The following BIRC2 variants were observed in gnomAD, a reference collection of about 807,000 sequenced individuals.
BIRC2 encodes baculoviral IAP repeat-containing protein 2.
Under a neutral mutation model 60.9 loss-of-function variants are expected in BIRC2, and 18 were observed. The ratio of observed to expected loss-of-function variants is 0.30; its 90% CI spans 0.20 to 0.44. The LOEUF is 0.44. Ranked by LOEUF, BIRC2 falls within the 20% of genes least tolerant of loss-of-function variation. The pLI, the probability that BIRC2 is intolerant of heterozygous loss-of-function variation, is 1.00. For synonymous variants in BIRC2, 282 were observed against 247.7 expected (o/e 1.14, Z -1.30); for missense variants, 701 against 728.5 (o/e 0.96, Z 0.43).
chr11:102,372,186 T>C (rs1264544658), intron 6 of BIRC2, among the ~76,000 whole-genome samples: 1 of 152,252 alleles, frequency 6.6e-6, no homozygotes, highest in African/African-American at 2.4e-5. Flanking sequence ...TGCTCTGATC[T>C]TAGTTATTTC....
rs1290149175 is a variant in BIRC2, at chr11:102,350,115, C to T, written c.261C>T (p.Gly87=). ...VNDKVKCFCC[G]LMLDNWKLGD... is the part of the protein sequence containing the mutation. Reference sequence around the variant, plus strand: ...ACAAGGTCAAATGCTTCTGTTGTGGCCTGATGCTGGATAACTGGAAACTAG... The same window carrying T: ...ACAAGGTCAAATGCTTCTGTTGTGGTCTGATGCTGGATAACTGGAAACTAG... The change falls in exon 2 of 9, where the codon GGC becomes GGT. Residue 87 remains glycine, a synonymous_variant. Transcript: ENST00000227758. 2.5e-6 allele frequency: 4 copies of T among 1,614,032 alleles called. No individual in the cohort carries two copies. The highest frequency in any genetic ancestry group is 1.6e-4 in the Middle Eastern group (1 of 6,084).
Position 102,348,805 on chromosome 11 carries a change from C to A in BIRC2, c.-1050C>A. 3.6e-6 allele frequency: 1 copy of A among 277,824 alleles called. No individual in the cohort carries two copies. The highest frequency in any genetic ancestry group is 3.2e-5 in the South Asian group (1 of 31,230). 17.2% of individuals were successfully genotyped at this position (277,824 alleles called of 1,614,324 possible). A position where few individuals can be genotyped will look rare whatever the true frequency, so the allele number is the denominator to read the frequency against. Reference sequence around the variant, plus strand: ...TACTGATACTTTATGCTAAGCAGTACTTTTTTGGTAGTACAATATTTTGTT... The same window carrying A: ...TACTGATACTTTATGCTAAGCAGTAATTTTTTGGTAGTACAATATTTTGTT... On this transcript the variant is annotated 5_prime_UTR_variant, in exon 2 of 9. Coordinates refer to ENST00000227758, the MANE Select transcript of BIRC2 (RefSeq NM_001166.5).
At chr11:102,350,783 T>C in intron 2 of BIRC2, 34 bp downstream of exon 2, 2 of 1,601,126 alleles carry the variant, frequency 1.2e-6, no homozygotes, top group Non-Finnish European at 1.7e-6. Context: ...TTTATCATTT[T>C]ATTTTAATTT....
At chr11:102,376,882 A>G (rs1951721027) in intron 6 of BIRC2, among the ~76,000 whole-genome samples, 1 of 152,174 alleles carries the variant, frequency 6.6e-6, no homozygotes, top group Admixed American at 6.5e-5. Flanking sequence ...AAGGATGAGG[A>G]CACATAGCTA....
intron 6 of BIRC2, among the ~76,000 whole-genome samples, chr11:102,373,174 G>C (rs1205420058): frequency 1.4e-4 from 22 of 151,848 alleles, no homozygotes; most frequent in Admixed American, 1.4e-3. Flanking sequence ...TACATTTAAA[G>C]TTAATATTGT....
chr11:102,371,833 C>T (rs1162159298), intron 6 of BIRC2, among the ~76,000 whole-genome samples: 3 of 151,488 alleles, frequency 2.0e-5, no homozygotes, highest in African/African-American at 7.3e-5. Context: ...TGATTATTGC[C>T]ACAATTTCAG....
chr11:102,369,017 G>A (rs940354178), intron 6 of BIRC2, among the ~76,000 whole-genome samples: 2 of 151,618 alleles, frequency 1.3e-5, no homozygotes, highest in Non-Finnish European at 2.9e-5. Context: ...TGAAATTCTG[G>A]GGCTTGATGA....
intron 1 of BIRC2, 191 bp downstream of exon 1, chr11:102,347,567 C>T (rs1477048109): frequency 2.6e-5 from 4 of 152,276 alleles, no homozygotes; most frequent in African/African-American, 9.6e-5. Flanking sequence ...TTCGGAAGCC[C>T]CAACTTCGAG....
rs1399189896 is a variant in BIRC2 at position 102,347,314 on chromosome 11, C to G, written c.-1320C>G. 6.6e-6 allele frequency: 1 copy of G among 152,364 alleles called. No homozygotes were observed. Among genetic ancestry groups the G allele is most frequent in the Non-Finnish European group, 1.5e-5 (1 of 68,122 alleles). The allele number at this position is 152,364 out of a possible 1,614,324, so 9.4% of individuals were successfully genotyped here. ...TATCTCCTTGTCGGCGCCGCTGATT[C>G]CCGGCTCTGCGGAGGCCTCTAGGCA... On this transcript the variant is annotated 5_prime_UTR_variant, in exon 1 of 9. Coordinates refer to ENST00000227758, the MANE Select transcript of BIRC2 (RefSeq NM_001166.5).
chr11:102,349,004 A>G lies in BIRC2; in HGVS notation c.-851A>G, dbSNP rs1179287283. On this transcript the variant is annotated 5_prime_UTR_variant, in exon 2 of 9. An upstream start codon of the reference 5' UTR is lost. Coordinates refer to ENST00000227758, the MANE Select transcript of BIRC2 (RefSeq NM_001166.5). Reference sequence around the variant, plus strand: ...GGAAATTTTATGGCTAACTAAGTTTATGGAGAAAATACCTTCAGTTGATCA... The same window carrying G: ...GGAAATTTTATGGCTAACTAAGTTTGTGGAGAAAATACCTTCAGTTGATCA... 1.9e-5 allele frequency: 3 copies of G among 154,536 alleles called. No individual in the cohort carries two copies. Among genetic ancestry groups the G allele is most frequent in the African/African-American group, 7.2e-5 (3 of 41,604 alleles). 9.6% of individuals were successfully genotyped at this position (154,536 alleles called of 1,614,324 possible).
intron 6 of BIRC2, among the ~76,000 whole-genome samples, chr11:102,372,396 A>G (rs1194152855): frequency 6.6e-6 from 1 of 152,116 alleles, no homozygotes; most frequent in Non-Finnish European, 1.5e-5. Context: ...TTCAAAGAAC[A>G]TCTTTATTTC....
chr11:102,355,910 G>A (rs184794361), intron 3 of BIRC2, among the ~76,000 whole-genome samples: 41 of 152,188 alleles, frequency 2.7e-4, no homozygotes, highest in African/African-American at 8.4e-4. Context: ...TTCTCTTTCA[G>A]ATAGTTCATT....
At chr11:102,354,894 G>T (rs2135806752) in intron 3 of BIRC2, among the ~76,000 whole-genome samples, 1 of 147,536 alleles carries the variant, frequency 6.8e-6, no homozygotes, top group Non-Finnish European at 1.5e-5. Flanking sequence ...ATATCTTTGG[G>T]AAAATTTCTG....
Position 102,350,657 on chromosome 11 carries a change from C to T in BIRC2, c.803C>T (p.Thr268Ile), listed in dbSNP as rs1225028747. ...AGCATTTCAAATCTGAGCATGCAGA[C>T]ACATGCAGCTCGAATGAGAACATTT... ...RFSISNLSMQTHAARMRTFMY... is the reference protein window; with the variant it reads ...RFSISNLSMQIHAARMRTFMY... Residue 268 changes from threonine to isoleucine, a missense_variant, in exon 2 of 9, where the codon ACA (threonine) becomes ATA (isoleucine). By Grantham distance (89) the Thr-to-Ile change is moderately conservative (BLOSUM62 -1). Transcript: ENST00000227758. The T allele has an allele frequency of 1.2e-6, 2 of 1,613,956 alleles. No individual in the cohort carries two copies. The highest frequency in any genetic ancestry group is 2.2e-5 in the South Asian group (2 of 91,088).
At chr11:102,368,072 T>C (rs986533757) in intron 5 of BIRC2, among the ~76,000 whole-genome samples, 1 of 152,228 alleles carries the variant, frequency 6.6e-6, no homozygotes, top group South Asian at 2.1e-4. Context: ...ATTAAGTAAG[T>C]CTAGGATGTA....
intron 6 of BIRC2, among the ~76,000 whole-genome samples, chr11:102,371,974 T>C (rs1951637114): frequency 6.6e-6 from 1 of 152,212 alleles, no homozygotes; most frequent in Non-Finnish European, 1.5e-5. Context: ...TGTAGTATTC[T>C]CTGATGGTAG....
Position 102,368,543 on chromosome 11 carries a change from C to T in BIRC2, c.1361C>T (p.Ala454Val). 1 of 1,612,604 alleles carries T rather than the reference C, an allele frequency of 6.2e-7. No homozygotes were observed. Among genetic ancestry groups the T allele is most frequent in the Non-Finnish European group, 8.5e-7 (1 of 1,179,438 alleles). ...AAGGAAAAACAAGCTGAAGAAATGG[C>T]ATCAGGTATTTGGGGATGTTAGTCA... ...EEKEKQAEEM[A>V]SDDLSLIRKN... The change falls in exon 6 of 9, where the codon GCA becomes GTA. Residue 454 changes from alanine (A) to valine (V), a missense_variant. By Grantham distance (64) the Ala-to-Val change is moderately conservative (BLOSUM62 0). Around this residue, in one of 4 missense-constraint regions of BIRC2, gnomAD observed 235 missense variants for 208.9 expected, o/e 1.12. Coordinates refer to ENST00000227758, the MANE Select transcript of BIRC2 (RefSeq NM_001166.5).
intron 5 of BIRC2, among the ~76,000 whole-genome samples, chr11:102,365,574 C>T (rs754213159): frequency 2.6e-5 from 4 of 152,168 alleles, no homozygotes; most frequent in Non-Finnish European, 5.9e-5. Flanking sequence ...GGTGCTTTGT[C>T]GTTGTTTTTT....
chr11:102,364,996 G>C (rs962920298), intron 5 of BIRC2, among the ~76,000 whole-genome samples: 3 of 152,106 alleles, frequency 2.0e-5, no homozygotes, highest in African/African-American at 7.2e-5. Context: ...TTTCTGTCTT[G>C]ATAATTTTCT....
Sources: allele counts gnomAD v4.1 joint callset (sites outside exome capture counted in the v4.1 genomes callset), GRCh38; gene constraint gnomAD v4.1.1; regional missense constraint gnomAD v4.1.1; transcripts MANE v1.5; gene names NCBI Gene and HGNC (gene_info 2026-07-23, HGNC 2026-07-21).